Variants in USP31 observed in about 807,000 individuals in gnomAD.
USP31 encodes ubiquitin carboxyl-terminal hydrolase 31.
USP31 carries 44 observed loss-of-function variants against 119.4 expected under a neutral mutation model. That is an observed-to-expected ratio of 0.37 (90% CI 0.29 to 0.47). The LOEUF is 0.47. USP31 is among the 20% of genes least tolerant of loss of function. The pLI is 0.99. For missense variants in USP31, 1,643 were observed against 1,730.2 expected (o/e 0.95, Z 0.89); for synonymous variants, 749 against 705.6 (o/e 1.06, Z -0.97).
chr16:23,064,927 G>A lies in USP31; in HGVS notation c.*3119C>T, dbSNP rs1365333190. The A allele has an allele frequency of 6.6e-6, 1 of 152,154 alleles. No individual in the cohort carries two copies. The highest frequency in any genetic ancestry group is 1.9e-4 in the East Asian group (1 of 5,198). 9.4% of individuals were successfully genotyped at this position (152,154 alleles called of 1,614,324 possible). ...AATACTCCCACATCCGTTCCCACTG[G>A]TCCAGCATATTATTACTTACTTTCA... On this transcript the variant is annotated 3_prime_UTR_variant, in exon 16 of 16. Coordinates refer to ENST00000219689, the MANE Select transcript of USP31 (RefSeq NM_020718.4).
chr16:23,117,751 C>CTTTCTTTT (rs780595234), intron 1 of USP31, among the ~76,000 whole-genome samples: 1 of 141,598 alleles, frequency 7.1e-6, no homozygotes, highest in Non-Finnish European at 1.6e-5. Flanking sequence ...TTTTCCTTTT[C>CTTTCTTTT]TTTTTTTTTT....
intron 1 of USP31, among the ~76,000 whole-genome samples, chr16:23,147,397 C>T (rs1003750289): frequency 1.3e-5 from 2 of 152,230 alleles, no homozygotes; most frequent in African/African-American, 4.8e-5. Flanking sequence ...GCATGAGCCA[C>T]TGCGCCCCGC....
Position 23,068,234 on chromosome 16 carries a change from CT to C in USP31, c.3870del (p.Glu1291SerfsTer26), listed in dbSNP as rs765508756. 1 of 1,614,166 alleles carries C rather than the reference CT, an allele frequency of 6.2e-7. No individual in the cohort carries two copies. Among genetic ancestry groups the C allele is most frequent in the Non-Finnish European group, 8.5e-7 (1 of 1,180,022 alleles). ...GCAGGGTCCTTGGTGACAAGCTGCT[CT>C]TTTCCCGTTGTATTTGCATTTGGCT... ...SQQPNANTTGKEQLVTKDPAS... is the reference protein window; with the variant it reads ...SQQPNANTTGXEQLVTKDPAS... On this transcript the variant is annotated frameshift_variant, in exon 16 of 16. Coordinates refer to ENST00000219689, the MANE Select transcript of USP31 (RefSeq NM_020718.4). LOFTEE classifies it high-confidence loss of function.
intron 5 of USP31, among the ~76,000 whole-genome samples, chr16:23,103,221 A>C (rs1804903951): frequency 6.6e-6 from 1 of 152,254 alleles, no homozygotes; most frequent in African/African-American, 2.4e-5. Context: ...TCAAGGACAG[A>C]GTCCACATCT....
rs1244261262 is a variant in USP31, at chr16:23,148,639, T to G, written c.632A>C (p.Lys211Thr). Residue 211 changes from lysine (K) to threonine (T), a missense_variant and splice_region_variant, in exon 1 of 16, where the codon AAG (lysine) becomes ACG (threonine). By Grantham distance (78) the Lys-to-Thr change is moderately conservative. Transcript: ENST00000219689. ...GGGCGCGGCGGCGCGCGGGCTCACC[T>G]TGAAGTCGCGGCTGTGCTGCGGGGT... ...EYTPQHSRDF[K>T]TIVSKNALQY... 3.0e-5 allele frequency: 45 copies of G among 1,475,904 alleles called. No individual in the cohort carries two copies. The highest frequency in any genetic ancestry group is 5.9e-5 in the East Asian group (2 of 33,670). 91.4% of individuals were successfully genotyped at this position (1,475,904 alleles called of 1,614,324 possible).
Position 23,062,385 on chromosome 16 carries a change from A to ATTTT in USP31, c.*5660_*5661insAAAA, listed in dbSNP as rs1159913078. 1 of 142,758 alleles carries ATTTT rather than the reference A, an allele frequency of 7.0e-6. No homozygotes were observed. The highest frequency in any genetic ancestry group is 1.6e-5 in the Non-Finnish European group (1 of 63,350). The allele number at this position is 142,758 out of a possible 1,614,324, so 8.8% of individuals were successfully genotyped here. ...GCAATAAGGGTTTTTTTTTTTTAAA[A>ATTTT]AAAAGACACCAAAGAAAATGTTTCA... On this transcript the variant is annotated 3_prime_UTR_variant, in exon 16 of 16. Coordinates refer to ENST00000219689, the MANE Select transcript of USP31 (RefSeq NM_020718.4).
intron 6 of USP31, among the ~76,000 whole-genome samples, chr16:23,097,552 G>A (rs143996166): frequency 6.6e-6 from 1 of 152,194 alleles, no homozygotes; most frequent in African/African-American, 2.4e-5. Context: ...TATCTCTGAT[G>A]AACATCGATG....
chr16:23,111,538 A>G (rs775711776), intron 1 of USP31, among the ~76,000 whole-genome samples: 17 of 152,334 alleles, frequency 1.1e-4, no homozygotes, highest in South Asian at 2.1e-4. Flanking sequence ...TATCTGGTAA[A>G]CAACTGAAAA....
chr16:23,106,362 T>C, intron 3 of USP31, 37 bp downstream of exon 3: 1 of 1,613,266 alleles, frequency 6.2e-7, no homozygotes. Context: ...CGATGTCAGG[T>C]AAACAAAATA....
intron 1 of USP31, among the ~76,000 whole-genome samples, chr16:23,110,850 C>T (rs936283609): frequency 6.6e-6 from 1 of 152,090 alleles, no homozygotes; most frequent in African/African-American, 2.4e-5. Flanking sequence ...ATCAGGGGGC[C>T]GGGCGCAGTG....
chr16:23,083,372 C>CAA (rs1013225364), intron 11 of USP31, among the ~76,000 whole-genome samples: 2 of 151,942 alleles, frequency 1.3e-5, no homozygotes, highest in Non-Finnish European at 2.9e-5. Flanking sequence ...AGCATGAAGG[C>CAA]AAAAATGTTG....
chr16:23,082,259 C>T (rs1325933122), intron 12 of USP31, among the ~76,000 whole-genome samples, 179 bp downstream of exon 12: 1 of 152,094 alleles, frequency 6.6e-6, no homozygotes, highest in Admixed American at 6.5e-5. Context: ...TCAAATTTTG[C>T]CTTGGGAAAG....
Position 23,149,169 on chromosome 16 carries a change from G to A in USP31, c.102C>T (p.Gly34=). Residue 34 remains glycine (G), a synonymous_variant, in exon 1 of 16, where the codon GGC becomes GGT. Transcript: ENST00000219689. ...SKRLFRSGRA[G]GGGAGGPGAS... The stretch of plus-strand genomic sequence containing the variant: ...CCCCGGGGCCCCCCGCGCCGCCGCC[G>A]CCAGCGCGGCCGCTCCGAAACAGCC... 1 of 1,165,802 alleles carries A rather than the reference G, an allele frequency of 8.6e-7. No homozygotes were observed. The highest frequency in any genetic ancestry group is 1.1e-6 in the Non-Finnish European group (1 of 942,158). 72.2% of individuals were successfully genotyped at this position (1,165,802 alleles called of 1,614,324 possible). A position where few individuals can be genotyped will look rare whatever the true frequency, so the allele number is the denominator to read the frequency against.
intron 1 of USP31, among the ~76,000 whole-genome samples, chr16:23,128,069 A>G (rs372346921): frequency 1.3e-5 from 2 of 152,296 alleles, no homozygotes; most frequent in South Asian, 4.1e-4. Context: ...CCACAGATAC[A>G]AGACCAATGA....
chr16:23,096,105 G>A (rs1596706076), intron 6 of USP31, among the ~76,000 whole-genome samples: 1 of 152,144 alleles, frequency 6.6e-6, no homozygotes, highest in East Asian at 1.9e-4. Flanking sequence ...CCCATCTCAT[G>A]TGCAGAGACA....
intron 7 of USP31, among the ~76,000 whole-genome samples, chr16:23,088,058 G>A (rs1901188802): frequency 6.6e-6 from 1 of 152,170 alleles, no homozygotes; most frequent in African/African-American, 2.4e-5. Flanking sequence ...ATGGCTTCTA[G>A]GGGAGTATGG....
intron 1 of USP31, among the ~76,000 whole-genome samples, chr16:23,146,369 T>C (rs1362680878): frequency 6.6e-6 from 1 of 151,726 alleles, no homozygotes. Flanking sequence ...GGCAGGTGGA[T>C]CAAAAATTAA....
chr16:23,149,400 G>A lies in USP31; in HGVS notation c.-130C>T. 5.2e-6 allele frequency: 5 copies of A among 967,892 alleles called. No individual in the cohort carries two copies. Among genetic ancestry groups the A allele is most frequent in the African/African-American group, 1.8e-5 (1 of 56,556 alleles). The allele number at this position is 967,892 out of a possible 1,614,324, so 60.0% of individuals were successfully genotyped here. On this transcript the variant is annotated 5_prime_UTR_variant, in exon 1 of 16. Coordinates refer to ENST00000219689, the MANE Select transcript of USP31 (RefSeq NM_020718.4). Reference sequence around the variant, plus strand: ...CTCGACGCCCCACACACCTCAAAGCGCAGCCGAGCCAGCGAGCGAGCGGCG... The same window carrying A: ...CTCGACGCCCCACACACCTCAAAGCACAGCCGAGCCAGCGAGCGAGCGGCG...
Position 23,073,740 on chromosome 16 carries a change from C to T in USP31, c.2317G>A (p.Ala773Thr), listed in dbSNP as rs1275249043. 2 of 1,612,438 alleles carry T rather than the reference C, an allele frequency of 1.2e-6. No individual in the cohort carries two copies. The highest frequency in any genetic ancestry group is 2.7e-5 in the African/African-American group (2 of 74,892). The change falls in exon 14 of 16, where the codon GCC becomes ACC. Residue 773 changes from alanine to threonine, a missense_variant. Transcript: ENST00000219689. ...QRRTAIPSWS[A>T]NSSVAGSTSS... ...ACCTCACCTGCCACCGAGCTGTTGGCTGACCATGACGGGATGGCTGTCCGC... is the reference window on the plus strand; with the variant it reads ...ACCTCACCTGCCACCGAGCTGTTGGTTGACCATGACGGGATGGCTGTCCGC...
Sources: allele counts gnomAD v4.1 joint callset (sites outside exome capture counted in the v4.1 genomes callset), GRCh38; gene constraint gnomAD v4.1.1; transcripts MANE v1.5; gene names NCBI Gene and HGNC (gene_info 2026-07-23, HGNC 2026-07-21).